Variants in ASB1 observed in about 807,000 individuals in gnomAD.
ASB1 encodes the protein ankyrin repeat and SOCS box containing 1.
A neutral mutation model predicts 27.7 loss-of-function variants in ASB1; 18 were observed. The ratio of observed to expected loss-of-function variants is 0.65; its 90% CI spans 0.45 to 0.96. The LOEUF is 0.96. ASB1 is among the 50% of genes least tolerant of loss of function. The pLI is 0.00. For missense variants in ASB1, 397 were observed against 451.7 expected (o/e 0.88, Z 1.10); for synonymous variants, 189 against 187.6 (o/e 1.01, Z -0.06).
rs1702201569 is a variant in ASB1, at chr2:238,447,369, G to A, written c.*858G>A. 6.5e-6 allele frequency: 1 copy of A among 152,798 alleles called. No individual in the cohort carries two copies. 9.5% of individuals were successfully genotyped at this position (152,798 alleles called of 1,614,324 possible). On this transcript the variant is annotated 3_prime_UTR_variant, in exon 5 of 5. Coordinates refer to ENST00000264607, the MANE Select transcript of ASB1 (RefSeq NM_001040445.3). ...AAAAATGCAGCGAGTCCTCTGGGTG[G>A]TTATGAGCCTCCAGGCGCATGCTGT...
intron 3 of ASB1, among the ~76,000 whole-genome samples, chr2:238,437,742 T>G (rs1172289734): frequency 6.6e-6 from 1 of 152,198 alleles, no homozygotes; most frequent in Non-Finnish European, 1.5e-5. Context: ...AAGGATTAGG[T>G]AAGGGTTCTG....
intron 1 of ASB1, among the ~76,000 whole-genome samples, chr2:238,427,881 A>G (rs1400698363): frequency 6.6e-6 from 1 of 152,174 alleles, no homozygotes; most frequent in East Asian, 1.9e-4. Flanking sequence ...ACATGCCTAT[A>G]TTTGTCTTTG....
Position 238,427,032 on chromosome 2 carries a change from G to C in ASB1, c.-39G>C, listed in dbSNP as rs1288049464. The C allele has an allele frequency of 1.6e-6, 2 of 1,242,866 alleles. No individual in the cohort carries two copies. The highest frequency in any genetic ancestry group is 1.6e-5 in the African/African-American group (1 of 64,142). The allele number at this position is 1,242,866 out of a possible 1,614,324, so 77.0% of individuals were successfully genotyped here. A position where few individuals can be genotyped will look rare whatever the true frequency, so the allele number is the denominator to read the frequency against. On this transcript the variant is annotated 5_prime_UTR_variant, in exon 1 of 5. Transcript: ENST00000264607. The stretch of plus-strand genomic sequence containing the variant: ...TCGTTCTGCTTCCTGCCCGAGGGGC[G>C]TGCGCGGGTCAGGGGCGGCCGCGGA...
intron 3 of ASB1, among the ~76,000 whole-genome samples, chr2:238,444,118 T>C (rs1488375124): frequency 6.6e-6 from 1 of 152,242 alleles, no homozygotes; most frequent in Non-Finnish European, 1.5e-5. Flanking sequence ...TTTGAAGGAC[T>C]TCCCTTAGGA....
chr2:238,445,138 C>T (rs936659396), intron 4 of ASB1, among the ~76,000 whole-genome samples: 1 of 151,880 alleles, frequency 6.6e-6, no homozygotes, highest in South Asian at 2.1e-4. Context: ...CACACCATGC[C>T]CAGCTAATTT....
chr2:238,447,024 C>T lies in ASB1; in HGVS notation c.*513C>T, dbSNP rs532844293. The T allele has an allele frequency of 1.8e-5, 3 of 163,420 alleles. No homozygotes were observed. The highest frequency in any genetic ancestry group is 3.1e-4 in the South Asian group (2 of 6,354). The allele number at this position is 163,420 out of a possible 1,614,324, so 10.1% of individuals were successfully genotyped here. A position where few individuals can be genotyped will look rare whatever the true frequency, so the allele number is the denominator to read the frequency against. On this transcript the variant is annotated 3_prime_UTR_variant, in exon 5 of 5. Transcript: ENST00000264607. ...GGGTAACACATGCGCTTGTCATACACGCCCCTTCCTTGCCCCTTCAGTATT... is the reference window on the plus strand; with the variant it reads ...GGGTAACACATGCGCTTGTCATACATGCCCCTTCCTTGCCCCTTCAGTATT...
At chr2:238,437,530 T>C (rs1575004458) in intron 3 of ASB1, among the ~76,000 whole-genome samples, 1 of 151,886 alleles carries the variant, frequency 6.6e-6, no homozygotes, top group East Asian at 1.9e-4. Context: ...GTGCCTGGCC[T>C]ACAGTCTTAT....
At position 238,449,358 on chromosome 2, in the gene ASB1, C is replaced by G. The variant is rs954473987; in HGVS notation, c.*2847C>G. 1 of 152,472 alleles carries G rather than the reference C, an allele frequency of 6.6e-6. No individual in the cohort carries two copies. Among genetic ancestry groups the G allele is most frequent in the Non-Finnish European group, 1.5e-5 (1 of 68,258 alleles). 9.4% of individuals were successfully genotyped at this position (152,472 alleles called of 1,614,324 possible). The stretch of plus-strand genomic sequence containing the variant: ...TCAGTGAGGCTGCTGCCTGGCTGGC[C>G]CGGAGTCCTCCCTAGGAGAGGGGCT... On this transcript the variant is annotated 3_prime_UTR_variant, in exon 5 of 5. Coordinates refer to ENST00000264607, the MANE Select transcript of ASB1 (RefSeq NM_001040445.3).
At chr2:238,445,949 C>G (rs540532657) in intron 4 of ASB1, among the ~76,000 whole-genome samples, 1 of 152,338 alleles carries the variant, frequency 6.6e-6, no homozygotes, top group East Asian at 1.9e-4. Context: ...CAGCCTGTGC[C>G]CCTCAAGCAG....
intron 2 of ASB1, among the ~76,000 whole-genome samples, chr2:238,434,989 C>T (rs566562901): frequency 6.6e-6 from 1 of 152,346 alleles, no homozygotes; most frequent in South Asian, 2.1e-4. Flanking sequence ...CCTGCATGTT[C>T]CTGGGCCCTG....
intron 3 of ASB1, among the ~76,000 whole-genome samples, chr2:238,437,033 C>G (rs888533242): frequency 6.6e-6 from 1 of 152,150 alleles, no homozygotes; most frequent in Non-Finnish European, 1.5e-5. Context: ...TAGGGAGTTT[C>G]AGTAGTTCTG....
Position 238,444,542 on chromosome 2 carries a change from A to G in ASB1, c.695A>G (p.Tyr232Cys). ...GGTCCTGTCAACACACAGGGATTCT[A>G]CAGGGGCTCCCCTGGGTGCGTCATG... ...CNGPVNTQGFYRGSPGCVMDA... is the reference protein window; with the variant it reads ...CNGPVNTQGFCRGSPGCVMDA... Residue 232 changes from tyrosine (Y) to cysteine (C), a missense_variant, in exon 4 of 5, where the codon TAC (tyrosine) becomes TGC (cysteine). By Grantham distance (194) the Tyr-to-Cys change is radical. Transcript: ENST00000264607. 1 of 1,614,176 alleles carries G rather than the reference A, an allele frequency of 6.2e-7. No individual in the cohort carries two copies. Among genetic ancestry groups the G allele is most frequent in the South Asian group, 1.1e-5 (1 of 91,080 alleles).
rs183146890 is a variant in ASB1, at chr2:238,449,639, C to T, written c.*3128C>T. ...ACATTCTGTGACTCTTTGCATCACT[C>T]GTGTTATTTATTTATTTATTTATAT... On this transcript the variant is annotated 3_prime_UTR_variant, in exon 5 of 5. Coordinates refer to ENST00000264607, the MANE Select transcript of ASB1 (RefSeq NM_001040445.3). 11 of 152,236 alleles carry T rather than the reference C, an allele frequency of 7.2e-5. No individual in the cohort carries two copies. Among genetic ancestry groups the T allele is most frequent in the South Asian group, 4.1e-4 (2 of 4,822 alleles). The allele number at this position is 152,236 out of a possible 1,614,324, so 9.4% of individuals were successfully genotyped here.
At position 238,429,947 on chromosome 2, in the gene ASB1, A is replaced by AAC. The variant is rs1553624837; in HGVS notation, c.49+2829_49+2830insCA. Reference sequence around the variant, plus strand: ...AGTGAGACTCCGTCTCAAAAAAAAAAAAAAACCAAGTACAATAATACCATT... The same window carrying AAC: ...AGTGAGACTCCGTCTCAAAAAAAAAAACAAAAACCAAGTACAATAATACCATT... On this transcript the variant is annotated intron_variant, in intron 1 of 4. Coordinates refer to ENST00000264607, the MANE Select transcript of ASB1 (RefSeq NM_001040445.3). Among the ~76,000 whole-genome samples the AAC allele has an allele frequency of 3.3e-5, 5 of 152,160 alleles. No individual in the cohort carries two copies. The East Asian group carries it at 7.7e-4, about 24-fold the overall frequency.
Position 238,435,922 on chromosome 2 carries a change from G to C in ASB1, c.403G>C (p.Ala135Pro). 6.2e-7 allele frequency: 1 copy of C among 1,614,198 alleles called. No individual in the cohort carries two copies. Among genetic ancestry groups the C allele is most frequent in the Non-Finnish European group, 8.5e-7 (1 of 1,180,036 alleles). The change falls in exon 3 of 5, where the codon GCG becomes CCG. Residue 135 changes from alanine (A) to proline (P), a missense_variant. Coordinates refer to ENST00000264607, the MANE Select transcript of ASB1 (RefSeq NM_001040445.3). ...TACCCAGATCCTTCTCGAAGCTGGCGCGGACCCCAACGGAAGCCGGCACCA... is the reference window on the plus strand; with the variant it reads ...TACCCAGATCCTTCTCGAAGCTGGCCCGGACCCCAACGGAAGCCGGCACCA... ...ESTQILLEAG[A>P]DPNGSRHHRS...
chr2:238,440,126 C>G (rs891490106), intron 3 of ASB1, among the ~76,000 whole-genome samples: 37 of 152,198 alleles, frequency 2.4e-4, no homozygotes, highest in African/African-American at 8.7e-4. Flanking sequence ...TCTCCTGTAA[C>G]AAGATATTCT....
At position 238,451,570 on chromosome 2, in the gene ASB1, C is replaced by T. The variant is rs1341484771; in HGVS notation, c.*5059C>T. ...CTGGGGACCTGCTGAAGAGAATGCT[C>T]ACCACCAGCTCTCTGTTTCCCTTTC... On this transcript the variant is annotated 3_prime_UTR_variant, in exon 5 of 5. Transcript: ENST00000264607. 8 of 152,700 alleles carry T rather than the reference C, an allele frequency of 5.2e-5. No homozygotes were observed. The highest frequency in any genetic ancestry group is 5.2e-4 in the Admixed American group (8 of 15,288). The allele number at this position is 152,700 out of a possible 1,614,324, so 9.5% of individuals were successfully genotyped here.
At chr2:238,428,953 C>G (rs567576807) in intron 1 of ASB1, among the ~76,000 whole-genome samples, 10 of 152,080 alleles carry the variant, frequency 6.6e-5, no homozygotes, top group East Asian at 1.9e-4. Context: ...CTGTAGTAAC[C>G]GCAACTGTGG....
In ASB1 at chr2:238,444,588, C is replaced by G; in HGVS notation, c.741C>G (p.Gly247=). ...TCATGGATGCTGTTCTGCGCCACGG[C>G]TGTGAGGCAGCCTTCGTGAGCCTGC... The part of the protein sequence containing the change: ...GCVMDAVLRH[G]CEAAFVSLLV... Residue 247 remains glycine, a synonymous_variant, in exon 4 of 5, where the codon GGC becomes GGG. Coordinates refer to ENST00000264607, the MANE Select transcript of ASB1 (RefSeq NM_001040445.3). 6.2e-7 allele frequency: 1 copy of G among 1,614,188 alleles called. No individual in the cohort carries two copies. Among genetic ancestry groups the G allele is most frequent in the African/African-American group, 1.3e-5 (1 of 75,046 alleles).
Sources: gnomAD v4.1 joint callset for allele counts (sites outside exome capture counted in the v4.1 genomes callset) on GRCh38, gnomAD v4.1.1 for gene constraint, MANE v1.5 for transcripts, NCBI Gene and HGNC (gene_info 2026-07-23, HGNC 2026-07-21) for gene names.